Variants in BGN observed in about 807,000 individuals in gnomAD.
The protein encoded by BGN is bone/cartilage proteoglycan-I.
In BGN, 6 loss-of-function variants were observed where a neutral mutation model predicts 20.0. The observed-to-expected ratio is 0.30, with a 90% CI of 0.16 to 0.59. The LOEUF (loss-of-function observed/expected upper bound fraction) is 0.59. BGN is among the 20% of genes least tolerant of loss of function. BGN has a pLI of 0.88. For missense variants in BGN, 292 were observed against 312.1 expected (o/e 0.94, Z 0.49); for synonymous variants, 146 against 134.6 (o/e 1.08, Z -0.59).
At chrX:153,498,605 C>T (rs1475214715) in intron 1 of BGN, among the ~76,000 whole-genome samples, 1 of 112,656 alleles carries the variant, frequency 8.9e-6, no homozygotes, top group Non-Finnish European at 1.9e-5. Flanking sequence ...GAGCGGGTTG[C>T]GGCAGGGAGG....
chrX:153,505,923 C>A lies in BGN; in HGVS notation c.412C>A (p.Arg138=). 2.5e-6 allele frequency: 3 copies of A among 1,211,787 alleles called. No homozygotes were observed. Among genetic ancestry groups the A allele is most frequent in the Non-Finnish European group, 3.4e-6 (3 of 895,481 alleles). Residue 138 remains arginine (R), a synonymous_variant, in exon 4 of 8, where the codon CGG becomes AGG. Coordinates refer to ENST00000331595, the MANE Select transcript of BGN (RefSeq NM_001711.6). ...KIHEKAFSPL[R]KLQKLYISKN... The stretch of plus-strand genomic sequence containing the variant: ...CCATGAGAAGGCCTTCAGCCCACTG[C>A]GGAAGCTGCAGAAGCTCTACATCTC...
At chrX:153,506,269 G>A (rs1371630884) in intron 4 of BGN, among the ~76,000 whole-genome samples, 193 bp downstream of exon 4, 1 of 112,607 alleles carries the variant, frequency 8.9e-6, no homozygotes, top group East Asian at 2.8e-4. Flanking sequence ...GGCCAGAGGG[G>A]CCGGGTGGCT....
At chrX:153,498,756 G>C (rs2089736018) in intron 1 of BGN, among the ~76,000 whole-genome samples, 1 of 112,345 alleles carries the variant, frequency 8.9e-6, no homozygotes, top group Non-Finnish European at 1.9e-5. Context: ...GGAGACGATG[G>C]CTTTTCCAGG....
In BGN at chrX:153,508,881, C is replaced by T. The variant is rs782364685; in HGVS notation, c.*436C>T. 4.3e-4 allele frequency: 71 copies of T among 164,999 alleles called. 1 individual carries two copies. Among genetic ancestry groups the T allele is most frequent in the African/African-American group, 2.0e-3 (64 of 31,944 alleles). 13.6% of individuals were successfully genotyped at this position (164,999 alleles called of 1,213,427 possible). A position where few individuals can be genotyped will look rare whatever the true frequency, so the allele number is the denominator to read the frequency against. On this transcript the variant is annotated 3_prime_UTR_variant, in exon 8 of 8. Transcript: ENST00000331595. ...TCCAGACACACATGTTCTGTTCCTC[C>T]TCCTCATGCATTTCCAGCCTTTCAA...
In BGN at chrX:153,506,471, G is replaced by A. The variant is rs1198720148; in HGVS notation, c.566-58G>A. ...CCACCACACTGGCCCGGAAGTGACA[G>A]GACCCAGGGCTGTGCAGGGACCACC... On this transcript the variant is annotated intron_variant, in intron 4 of 7. Transcript: ENST00000331595. 12 of 1,063,147 alleles carry A rather than the reference G, an allele frequency of 1.1e-5. No individual in the cohort carries two copies. The East Asian group carries it at 3.6e-4, about 32-fold the overall frequency. 87.6% of individuals were successfully genotyped at this position (1,063,147 alleles called of 1,213,427 possible).
At chrX:153,506,127 G>A (rs1374400292) in intron 4 of BGN, 51 bp downstream of exon 4, 1 of 1,121,277 alleles carries the variant, frequency 8.9e-7, no homozygotes. Context: ...CGAGGCATGG[G>A]GAAGGGAGAC....
chrX:153,496,948 G>GCCCCCCCCCCCCCCC (rs782676136), intron 1 of BGN, among the ~76,000 whole-genome samples: 3 of 57,196 alleles, frequency 5.2e-5, no homozygotes, highest in African/African-American at 8.1e-5. Flanking sequence ...TGCTTCCCGG[G>GCCCCCCCCCCCCCCC]CCCACCCCCC....
At chrX:153,506,458 C>A in intron 4 of BGN, 71 bp from the exon 5 acceptor site, 1 of 987,111 alleles carries the variant, frequency 1.0e-6, no homozygotes, top group Non-Finnish European at 1.4e-6. Context: ...ACCACACTGG[C>A]CCGGAAGTGA....
At chrX:153,507,234 A>C in intron 7 of BGN, 49 bp downstream of exon 7, 1 of 1,153,740 alleles carries the variant, frequency 8.7e-7, no homozygotes, top group Non-Finnish European at 1.2e-6. Context: ...GGGCTGGGGG[A>C]GGCGTGTGTG....
rs782199865 is a variant in BGN at position 153,505,952 on chromosome X, G to A, written c.441G>A (p.Lys147=). 4.1e-6 allele frequency: 5 copies of A among 1,210,003 alleles called. No homozygotes were observed. Residue 147 remains lysine, a synonymous_variant, in exon 4 of 8, where the codon AAG becomes AAA. Coordinates refer to ENST00000331595, the MANE Select transcript of BGN (RefSeq NM_001711.6). The stretch of plus-strand genomic sequence containing the variant: ...AGCTGCAGAAGCTCTACATCTCCAA[G>A]AACCACCTGGTGGAGATCCCGCCCA... ...LRKLQKLYIS[K]NHLVEIPPNL... is the part of the protein sequence containing the mutation.
chrX:153,495,881 G>A (rs2089709900), intron 1 of BGN, among the ~76,000 whole-genome samples: 2 of 112,800 alleles, frequency 1.8e-5, no homozygotes, highest in African/African-American at 6.4e-5. Flanking sequence ...CTGGGACTCA[G>A]AATGGGTGTG....
intron 7 of BGN, among the ~76,000 whole-genome samples, 172 bp downstream of exon 7, chrX:153,507,357 T>C: frequency 8.9e-6 from 1 of 112,456 alleles, no homozygotes; most frequent in South Asian, 3.7e-4. Context: ...GAGCAGGGGC[T>C]CCATGGTGGA....
chrX:153,506,942 C>T lies in BGN; in HGVS notation c.770+19C>T, dbSNP rs201812839. ...TGTACAGGTGAGGCCAGCAGGGCAC[C>T]GCCCAAGGGTGATGCCAGAGTCCCT... On this transcript the variant is annotated intron_variant, in intron 6 of 7. Coordinates refer to ENST00000331595, the MANE Select transcript of BGN (RefSeq NM_001711.6). 1.6e-5 allele frequency: 19 copies of T among 1,207,628 alleles called. No homozygotes were observed. Among genetic ancestry groups the T allele is most frequent in the Admixed American group, 1.3e-4 (6 of 45,942 alleles).
chrX:153,499,495 G>T (rs1410380468), intron 1 of BGN, among the ~76,000 whole-genome samples: 1 of 113,365 alleles, frequency 8.8e-6, no homozygotes, highest in African/African-American at 3.2e-5. Context: ...GAAAGGATTT[G>T]AGCAGCAGAT....
chrX:153,501,879 C>T (rs1556991962), intron 1 of BGN, among the ~76,000 whole-genome samples: 1 of 112,085 alleles, frequency 8.9e-6, no homozygotes, highest in Non-Finnish European at 1.9e-5. Context: ...GCCCCTTTCT[C>T]AGTCTCTTGG....
intron 1 of BGN, among the ~76,000 whole-genome samples, chrX:153,503,168 C>A (rs890223947): frequency 8.9e-6 from 1 of 112,884 alleles, no homozygotes; most frequent in Admixed American, 9.2e-5. Flanking sequence ...GCCAGCCCAG[C>A]CCCCAGGGCA....
chrX:153,504,774 G>A lies in BGN; in HGVS notation c.143G>A (p.Gly48Asp). ...GAAGCTTCGGGCGCTGACACCTCGG[G>A]CGTCCTGGACCCGGACTCTGTCACA... ...DEEASGADTS[G>D]VLDPDSVTPT... is the part of the protein sequence containing the mutation. The change falls in exon 2 of 8, where the codon GGC becomes GAC. Residue 48 changes from glycine to aspartate, a missense_variant. Coordinates refer to ENST00000331595, the MANE Select transcript of BGN (RefSeq NM_001711.6). The A allele has an allele frequency of 8.3e-7, 1 of 1,211,725 alleles. No homozygotes were observed. Among genetic ancestry groups the A allele is most frequent in the Non-Finnish European group, 1.1e-6 (1 of 895,556 alleles).
chrX:153,500,481 C>T (rs1415806905), intron 1 of BGN, among the ~76,000 whole-genome samples: 1 of 112,060 alleles, frequency 8.9e-6, no homozygotes, highest in Non-Finnish European at 1.9e-5. Flanking sequence ...GAGTTGAGGA[C>T]TGGAGGGACT....
intron 3 of BGN, 72 bp downstream of exon 3, chrX:153,505,422 G>A: frequency 4.3e-6 from 4 of 924,387 alleles, no homozygotes; most frequent in Non-Finnish European, 6.1e-6. Context: ...GTGCGTGGAC[G>A]TGTGGGGTAT....
Sources: gnomAD v4.1 joint callset for allele counts (sites outside exome capture counted in the v4.1 genomes callset) on GRCh38, gnomAD v4.1.1 for gene constraint, MANE v1.5 for transcripts, NCBI Gene and HGNC (gene_info 2026-07-23, HGNC 2026-07-21) for gene names.